DPT: variants seen among roughly 807,000 people sequenced by gnomAD.
The protein encoded by DPT is tyrosine-rich acidic matrix protein.
Under a neutral mutation model 31.2 loss-of-function variants are expected in DPT, and 21 were observed. The observed-to-expected ratio is 0.67, with a 90% CI of 0.48 to 0.97. DPT has a LOEUF of 0.97. DPT is among the 50% of genes least tolerant of loss of function. The pLI, the probability that DPT is intolerant of heterozygous loss-of-function variation, is 0.00. For synonymous variants in DPT, 91 were observed against 86.9 expected (o/e 1.05, Z -0.26); for missense variants, 262 against 258.8 (o/e 1.01, Z -0.08).
At chr1:168,698,792 A>T (rs1288465313) in intron 3 of DPT, among the ~76,000 whole-genome samples, 1 of 152,164 alleles carries the variant, frequency 6.6e-6, no homozygotes, top group East Asian at 1.9e-4. Context: ...AACCACTATG[A>T]TTTGCATGTG....
At chr1:168,710,603 C>T (rs1021515924) in intron 2 of DPT, among the ~76,000 whole-genome samples, 7 of 152,120 alleles carry the variant, frequency 4.6e-5, no homozygotes, top group African/African-American at 1.7e-4. Flanking sequence ...AGACTTTGTT[C>T]CTACATATAT....
At chr1:168,710,116 T>C (rs1197424327) in intron 2 of DPT, among the ~76,000 whole-genome samples, 1 of 152,196 alleles carries the variant, frequency 6.6e-6, no homozygotes, top group African/African-American at 2.4e-5. Context: ...TACAACATCA[T>C]GACTCAGGCA....
intron 1 of DPT, among the ~76,000 whole-genome samples, chr1:168,718,607 T>C (rs1270878967): frequency 1.3e-5 from 2 of 152,158 alleles, no homozygotes; most frequent in Non-Finnish European, 2.9e-5. Context: ...GGGGAGCAGA[T>C]AGTAGAGTGG....
intron 1 of DPT, among the ~76,000 whole-genome samples, chr1:168,725,700 G>A (rs1460934154): frequency 6.6e-6 from 1 of 152,184 alleles, no homozygotes; most frequent in South Asian, 2.1e-4. Flanking sequence ...GAGAAACTGT[G>A]ATCAATGGCA....
intron 2 of DPT, among the ~76,000 whole-genome samples, chr1:168,711,069 GGCGTGATCTCGGCTCACT>G (rs1338226434): frequency 6.6e-6 from 1 of 150,604 alleles, no homozygotes; most frequent in African/African-American, 2.5e-5. Flanking sequence ...GGAGTGCAGT[GGCGTGATCTCGGCTCACT>G]GCGAGCTCCA....
At chr1:168,725,261 C>CCTTTCCTTTCCT (rs1650215311) in intron 1 of DPT, among the ~76,000 whole-genome samples, 1 of 40,864 alleles carries the variant, frequency 2.4e-5, no homozygotes, top group Non-Finnish European at 4.3e-5. Flanking sequence ...TTCTCTTTCC[C>CCTTTCCTTTCCT]TTCCTTTCTT....
At chr1:168,710,250 A>G (rs1336834119) in intron 2 of DPT, among the ~76,000 whole-genome samples, 2 of 152,154 alleles carry the variant, frequency 1.3e-5, no homozygotes, top group Non-Finnish European at 2.9e-5. Flanking sequence ...AAAAAATACC[A>G]TTTTATTTGG....
At chr1:168,709,892 A>G (rs1649813120) in intron 2 of DPT, among the ~76,000 whole-genome samples, 1 of 152,228 alleles carries the variant, frequency 6.6e-6, no homozygotes, top group Non-Finnish European at 1.5e-5. Flanking sequence ...AGGATCAAAT[A>G]AAATAATGTA....
At chr1:168,714,609 G>C (rs1218905643) in intron 1 of DPT, among the ~76,000 whole-genome samples, 1 of 152,164 alleles carries the variant, frequency 6.6e-6, no homozygotes, top group East Asian at 1.9e-4. Context: ...TATATTGTTA[G>C]ATGGAAGCCT....
chr1:168,725,567 G>A (rs1650223450), intron 1 of DPT, among the ~76,000 whole-genome samples: 1 of 152,112 alleles, frequency 6.6e-6, no homozygotes, highest in African/African-American at 2.4e-5. Context: ...AACAACCTAG[G>A]CATGCCCTGG....
chr1:168,714,104 G>A, intron 2 of DPT, 117 bp downstream of exon 2: 2 of 1,363,916 alleles, frequency 1.5e-6, no homozygotes, highest in Non-Finnish European at 1.0e-6. Flanking sequence ...TTGTCTATAT[G>A]CCAGCGCTGC....
rs768813462 is a variant in DPT, at chr1:168,714,301, G to T, written c.351C>A (p.Ser117Arg). Reference protein sequence around the residue: ...SNNGLVAGFQSRYFESVLDRE... With the variant: ...SNNGLVAGFQRRYFESVLDRE... The stretch of plus-strand genomic sequence containing the variant: ...GATCCAGCACTGACTCGAAGTAGCG[G>T]CTCTGGAATCCTGCCACCAGCCCAT... Residue 117 changes from serine (S) to arginine (R), a missense_variant, in exon 2 of 4, where the codon AGC (serine) becomes AGA (arginine). Ser to Arg is a moderately radical substitution (Grantham distance 110). Transcript: ENST00000367817. 1 of 1,614,044 alleles carries T rather than the reference G, an allele frequency of 6.2e-7. No individual in the cohort carries two copies. The highest frequency in any genetic ancestry group is 8.5e-7 in the Non-Finnish European group (1 of 1,180,008).
At chr1:168,706,029 C>G (rs561582704) in intron 2 of DPT, among the ~76,000 whole-genome samples, 2 of 152,342 alleles carry the variant, frequency 1.3e-5, no homozygotes, top group East Asian at 3.9e-4. Flanking sequence ...AAACCTCTTT[C>G]TTTTGTAAAT....
At chr1:168,714,486 C>T in intron 1 of DPT, 140 bp from the exon 2 acceptor site, 11 of 1,095,006 alleles carry the variant, frequency 1.0e-5, no homozygotes, top group Non-Finnish European at 1.4e-5. Flanking sequence ...AAATAATAGT[C>T]TTTATTATAT....
intron 3 of DPT, 30 bp from the exon 4 acceptor site, chr1:168,696,645 T>A (rs1649473504): frequency 1.2e-6 from 2 of 1,603,652 alleles, no homozygotes; most frequent in South Asian, 1.1e-5. Context: ...AAAATGAATG[T>A]CAGTGAGAAA....
In DPT at chr1:168,696,445, G is replaced by T. The variant is rs1224836429; in HGVS notation, c.*104C>A. 1 of 952,632 alleles carries T rather than the reference G, an allele frequency of 1.0e-6. No homozygotes were observed. The highest frequency in any genetic ancestry group is 1.6e-6 in the Non-Finnish European group (1 of 638,552). The allele number at this position is 952,632 out of a possible 1,614,324, so 59.0% of individuals were successfully genotyped here. A position where few individuals can be genotyped will look rare whatever the true frequency, so the allele number is the denominator to read the frequency against. ...TTACCAGCTCAGGGAGAAGGAAAGA[G>T]AGCAGCAGAAACTTCTATAGGAGAT... On this transcript the variant is annotated 3_prime_UTR_variant, in exon 4 of 4. Transcript: ENST00000367817.
intron 1 of DPT, among the ~76,000 whole-genome samples, chr1:168,726,615 T>C (rs1650248518): frequency 6.6e-6 from 1 of 152,230 alleles, no homozygotes; most frequent in Non-Finnish European, 1.5e-5. Flanking sequence ...AGCCTAGGGC[T>C]CTTCCTCTAT....
intron 2 of DPT, among the ~76,000 whole-genome samples, chr1:168,712,204 A>G (rs1000545339): frequency 6.6e-6 from 1 of 152,164 alleles, no homozygotes; most frequent in Non-Finnish European, 1.5e-5. Context: ...TAAAATGCAT[A>G]AAGTGCTGTG....
intron 3 of DPT, among the ~76,000 whole-genome samples, chr1:168,698,761 A>G (rs1394007199): frequency 6.6e-6 from 1 of 152,154 alleles, no homozygotes; most frequent in African/African-American, 2.4e-5. Context: ...GCATAGATGG[A>G]ACAACAGCAT....
Sources: gnomAD v4.1 joint callset for allele counts (sites outside exome capture counted in the v4.1 genomes callset) on GRCh38, gnomAD v4.1.1 for gene constraint, MANE v1.5 for transcripts, NCBI Gene and HGNC (gene_info 2026-07-23, HGNC 2026-07-21) for gene names.